Variants in SFXN5 observed in about 807,000 individuals in gnomAD.
SFXN5 encodes sideroflexin 5.
A neutral mutation model predicts 50.2 loss-of-function variants in SFXN5; 43 were observed. That is an observed-to-expected ratio of 0.86 (90% CI 0.67 to 1.11). The LOEUF is 1.11. SFXN5 is among the 50% of genes least tolerant of loss of function. The probability of loss-of-function intolerance (pLI) is 0.00; values close to 1 mark genes in which losing one functional copy is unlikely to be tolerated. For missense variants in SFXN5, 463 were observed against 454.1 expected, an observed-to-expected ratio of 1.02 and a Z score of -0.18; for synonymous variants, 203 against 185.8, an observed-to-expected ratio of 1.09 and a Z score of -0.75.
intron 2 of SFXN5, among the ~76,000 whole-genome samples, chr2:73,055,867 T>C (rs754475938): frequency 6.6e-6 from 1 of 152,226 alleles, no homozygotes; most frequent in African/African-American, 2.4e-5. Context: ...TCTGCCCGCC[T>C]TGGCCTCCCA....
At chr2:73,041,419 C>T (rs985240808) in intron 2 of SFXN5, among the ~76,000 whole-genome samples, 29 of 152,086 alleles carry the variant, frequency 1.9e-4, no homozygotes, top group African/African-American at 6.5e-4. Flanking sequence ...AGGCCAGGCG[C>T]GGTGGCTCAC....
chr2:72,976,268 T>C (rs1048780244), intron 10 of SFXN5, among the ~76,000 whole-genome samples: 2 of 151,892 alleles, frequency 1.3e-5, no homozygotes, highest in Admixed American at 1.3e-4. Flanking sequence ...ACAGTGAGAA[T>C]ATAATCATGT....
chr2:73,052,271 CT>C (rs1282548101), intron 2 of SFXN5, among the ~76,000 whole-genome samples: 1 of 151,838 alleles, frequency 6.6e-6, no homozygotes, highest in African/African-American at 2.4e-5. Flanking sequence ...TTCATAGTTA[CT>C]GTGGTGTCAA....
Position 72,945,029 on chromosome 2 carries a change from C to T in SFXN5, c.1016G>A (p.Gly339Glu). The change falls in exon 14 of 14, where the codon GGG (glycine) becomes GAG (glutamate). Residue 339 changes from glycine (G) to glutamate (E), a missense_variant. Gly to Glu is a moderately conservative substitution (Grantham distance 98). Transcript: ENST00000272433. This position sits in a 1 kb window ranked among gnomAD's most constrained non-coding sequence, Gnocchi z 5.8. ...CCAGGCCGCTGACCACACTCACAAC[C>T]CCTTGTTGTACACCACTGTCCGGCT... ...TSSRTVVYNK[G>E]L 6.2e-7 allele frequency: 1 copy of T among 1,613,850 alleles called. No individual in the cohort carries two copies. The highest frequency in any genetic ancestry group is 8.5e-7 in the Non-Finnish European group (1 of 1,179,840).
chr2:72,979,404 C>A (rs147129677), intron 10 of SFXN5, among the ~76,000 whole-genome samples: 1 of 144,684 alleles, frequency 6.9e-6, no homozygotes, highest in African/African-American at 2.5e-5. Context: ...GAGGCCAAGG[C>A]GGGTGGATCA....
intron 2 of SFXN5, among the ~76,000 whole-genome samples, chr2:73,047,239 AAAAAAAATATATATATAT>A (rs1228354079): frequency 1.9e-4 from 5 of 25,666 alleles, no homozygotes; most frequent in African/African-American, 4.1e-4. Context: ...AAAAAAAAAA[AAAAAAAATATATATATAT>A]ATATATATAT....
chr2:72,965,098 A>C (rs1674220130), intron 12 of SFXN5, among the ~76,000 whole-genome samples: 1 of 152,220 alleles, frequency 6.6e-6, no homozygotes, highest in South Asian at 2.1e-4. Context: ...CTGAGACCCT[A>C]GCAGGCAAAC....
intron 3 of SFXN5, among the ~76,000 whole-genome samples, chr2:73,023,725 G>C (rs1008088911): frequency 1.3e-5 from 2 of 152,196 alleles, no homozygotes; most frequent in Non-Finnish European, 2.9e-5. Context: ...CTGACACAGA[G>C]TCGTTTAAGG....
chr2:73,040,767 G>A (rs1679518087), intron 3 of SFXN5, 87 bp downstream of exon 3: 4 of 1,076,694 alleles, frequency 3.7e-6, no homozygotes, highest in Admixed American at 4.3e-5. Flanking sequence ...GACGAAAGAA[G>A]TGGTTCTGGC....
At chr2:72,977,031 A>AC (rs1173517250) in intron 10 of SFXN5, among the ~76,000 whole-genome samples, 1 of 152,176 alleles carries the variant, frequency 6.6e-6, no homozygotes, top group Non-Finnish European at 1.5e-5. Flanking sequence ...GAGGCATGTG[A>AC]CCCGATTCCA....
chr2:72,989,087 G>C (rs1300718373), intron 9 of SFXN5, among the ~76,000 whole-genome samples: 3 of 152,174 alleles, frequency 2.0e-5, no homozygotes, highest in African/African-American at 7.2e-5. Flanking sequence ...ACGTGTCTGA[G>C]AAAGTGTCAT....
At chr2:73,020,023 C>T in intron 6 of SFXN5, 1 of 531,282 alleles carries the variant, frequency 1.9e-6, no homozygotes, top group Non-Finnish European at 3.3e-6. Flanking sequence ...CAACTCAACG[C>T]TGGATTTAAG....
At chr2:72,959,162 G>A (rs770042497) in intron 13 of SFXN5, among the ~76,000 whole-genome samples, 69 of 152,304 alleles carry the variant, frequency 4.5e-4, no homozygotes, top group Non-Finnish European at 6.8e-4. Flanking sequence ...CAGAAGCGCC[G>A]CTTTCTGGCC....
At chr2:73,006,976 C>G (rs1308770257) in intron 6 of SFXN5, among the ~76,000 whole-genome samples, 3 of 152,196 alleles carry the variant, frequency 2.0e-5, no homozygotes, top group East Asian at 1.9e-4. Context: ...TGGTAACTTG[C>G]TACAAGAAAA....
At chr2:73,007,496 C>T (rs1674854703) in intron 6 of SFXN5, among the ~76,000 whole-genome samples, 2 of 152,090 alleles carry the variant, frequency 1.3e-5, no homozygotes. Flanking sequence ...GAGGTTAGGT[C>T]TGTCACGCGC....
rs12618046 is a variant in SFXN5, at chr2:73,047,245, A to C, written c.172-6314T>G. Among the ~76,000 whole-genome samples, 5 of 18,920 alleles carry C rather than the reference A, an allele frequency of 2.6e-4. 1 individual carries two copies. The highest frequency in any genetic ancestry group is 4.0e-4 in the Non-Finnish European group (4 of 10,088). 12.4% of individuals were successfully genotyped at this position (18,920 alleles called of 152,430 possible). ...AAAAAAAAAAAAAAAAAAAAAAAAAAATATATATATATATATATATATATA... is the reference window on the plus strand; with the variant it reads ...AAAAAAAAAAAAAAAAAAAAAAAAACATATATATATATATATATATATATA... On this transcript the variant is annotated intron_variant, in intron 2 of 13. Transcript: ENST00000272433.
Position 73,071,689 on chromosome 2 carries a change from G to A in SFXN5, c.17C>T (p.Thr6Ile). The A allele has an allele frequency of 1.9e-6, 3 of 1,613,086 alleles. No homozygotes were observed. Among genetic ancestry groups the A allele is most frequent in the East Asian group, 2.2e-5 (1 of 44,864 alleles). MADTATTASAAAASAA... is the reference protein window; with the variant it reads MADTAITASAAAASAA... ...ACTAGCCGCCGCCGCCGATGCTGTA[G>A]TCGCTGTATCCGCCATGGCCACTGA... The change falls in exon 1 of 14, where the codon ACT (threonine) becomes ATT (isoleucine). Residue 6 changes from threonine to isoleucine, a missense_variant. By Grantham distance (89) the Thr-to-Ile change is moderately conservative. Coordinates refer to ENST00000272433, the MANE Select transcript of SFXN5 (RefSeq NM_144579.3).
intron 10 of SFXN5, among the ~76,000 whole-genome samples, chr2:72,984,408 G>A (rs1671655598): frequency 6.6e-6 from 1 of 152,246 alleles, no homozygotes; most frequent in South Asian, 2.1e-4. Context: ...GAACAGGGAG[G>A]ACACCGCGTA....
At chr2:73,062,647 G>T (rs1574272271) in intron 1 of SFXN5, among the ~76,000 whole-genome samples, 2 of 152,286 alleles carry the variant, frequency 1.3e-5, no homozygotes, top group South Asian at 2.1e-4. Flanking sequence ...AGGCTCAGGG[G>T]ACAGACACCA....
Sources: gnomAD v4.1 joint callset for allele counts (sites outside exome capture counted in the v4.1 genomes callset) on GRCh38, gnomAD v4.1.1 for gene constraint, Gnocchi (gnomAD v3.1) non-coding constraint, MANE v1.5 for transcripts, NCBI Gene and HGNC (gene_info 2026-07-23, HGNC 2026-07-21) for gene names.